Variants in LIMCH1 observed in about 807,000 individuals in gnomAD.
LIMCH1 encodes LIM and calponin homology domains-containing protein 1.
In LIMCH1, 113 loss-of-function variants were observed where a neutral mutation model predicts 176.5. That is an observed-to-expected ratio of 0.64 (90% CI 0.55 to 0.75). LIMCH1 has a LOEUF of 0.75. Among genes scored for constraint, LIMCH1 ranks in the 30% least tolerant of loss-of-function variants. The probability of loss-of-function intolerance (pLI) is 0.00; values close to 1 mark genes in which losing one functional copy is unlikely to be tolerated. For synonymous variants in LIMCH1, 619 were observed against 645.9 expected (o/e 0.96, Z 0.63); for missense variants, 1,674 against 1,814.9 (o/e 0.92, Z 1.41).
chr4:41,385,592 C>CA (rs2056383033), intron 1 of LIMCH1, among the ~76,000 whole-genome samples: 1 of 151,936 alleles, frequency 6.6e-6, no homozygotes, highest in South Asian at 2.1e-4. Context: ...GAAAGGAAAG[C>CA]AAAAAAATCA....
At chr4:41,474,292 G>T (rs1582803175) in intron 1 of LIMCH1, among the ~76,000 whole-genome samples, 1 of 152,318 alleles carries the variant, frequency 6.6e-6, no homozygotes, top group East Asian at 1.9e-4. Flanking sequence ...TTCAAGACCA[G>T]CCTGGCCAAT....
At chr4:41,616,121 A>G (rs1484952571) in intron 5 of LIMCH1, among the ~76,000 whole-genome samples, 1 of 152,192 alleles carries the variant, frequency 6.6e-6, no homozygotes, top group East Asian at 1.9e-4. Flanking sequence ...TATTTTGTAA[A>G]TATGCATTAG....
Position 41,680,977 on chromosome 4 carries a change from C to G in LIMCH1, c.3635C>G (p.Thr1212Ser). ...TAGGAGCGTAAGATAATTGAAGACA[C>G]TGTGGTTCCATTTACTGTTTCTTCA... ...YEEERKIIEDTVVPFTVSSSS... is the reference protein window; with the variant it reads ...YEEERKIIEDSVVPFTVSSSS... Residue 1212 changes from threonine to serine, a missense_variant, in exon 25 of 32, where the codon ACT (threonine) becomes AGT (serine). Thr to Ser is a moderately conservative substitution (Grantham distance 58, BLOSUM62 1). Around this residue, in one of 3 missense-constraint regions of LIMCH1, gnomAD observed 1,015 missense variants for 1,102.5 expected, o/e 0.92. Coordinates refer to ENST00000503057, the MANE Select transcript of LIMCH1 (RefSeq NM_001330672.2). 1 of 1,607,448 alleles carries G rather than the reference C, an allele frequency of 6.2e-7. No individual in the cohort carries two copies. The highest frequency in any genetic ancestry group is 1.3e-5 in the African/African-American group (1 of 74,892).
intron 1 of LIMCH1, among the ~76,000 whole-genome samples, chr4:41,387,917 C>G (rs2056710062): frequency 6.6e-6 from 1 of 152,094 alleles, no homozygotes. Context: ...TGAGACCAGC[C>G]TGGGCAACAT....
intron 1 of LIMCH1, among the ~76,000 whole-genome samples, chr4:41,393,811 T>C (rs2057514248): frequency 6.6e-6 from 1 of 152,198 alleles, no homozygotes; most frequent in South Asian, 2.1e-4. Flanking sequence ...GACCTGAAGA[T>C]ACTTGAATAA....
chr4:41,601,082 C>G (rs2089837555), intron 2 of LIMCH1, among the ~76,000 whole-genome samples: 1 of 151,986 alleles, frequency 6.6e-6, no homozygotes, highest in Non-Finnish European at 1.5e-5. Context: ...AATACTTTGC[C>G]ATCACATTCC....
intron 1 of LIMCH1, among the ~76,000 whole-genome samples, chr4:41,460,454 T>C (rs759626318): frequency 3.9e-4 from 25 of 63,744 alleles, no homozygotes; most frequent in Non-Finnish European, 5.5e-4. Flanking sequence ...ACTATAGTAA[T>C]CATCTATATA....
At chr4:41,688,556 G>A (rs1191378741) in intron 29 of LIMCH1, among the ~76,000 whole-genome samples, 4 of 152,128 alleles carry the variant, frequency 2.6e-5, no homozygotes, top group Admixed American at 6.6e-5. Flanking sequence ...TGTTTCTCCT[G>A]TCCCTCTGTA....
At chr4:41,390,269 A>AGCGAGAGC (rs1554024865) in intron 1 of LIMCH1, among the ~76,000 whole-genome samples, 1 of 150,304 alleles carries the variant, frequency 6.7e-6, no homozygotes, top group Non-Finnish European at 1.5e-5. Context: ...AGAGAGAGAG[A>AGCGAGAGC]GAGAGCGAGA....
intron 28 of LIMCH1, among the ~76,000 whole-genome samples, chr4:41,686,618 T>A (rs1399112538): frequency 6.6e-6 from 1 of 152,242 alleles, no homozygotes; most frequent in African/African-American, 2.4e-5. Context: ...CTCAGCCACT[T>A]GCCTACATTG....
At chr4:41,421,317 C>T (rs73810239) in intron 1 of LIMCH1, among the ~76,000 whole-genome samples, 33 of 152,164 alleles carry the variant, frequency 2.2e-4, no homozygotes, top group African/African-American at 6.0e-4. Flanking sequence ...ACTTAAATGG[C>T]GGGGAGAGAG....
intron 17 of LIMCH1, among the ~76,000 whole-genome samples, chr4:41,648,913 G>A (rs1364270700): frequency 2.0e-5 from 3 of 151,344 alleles, no homozygotes; most frequent in Non-Finnish European, 4.4e-5. Flanking sequence ...AACATAGTGT[G>A]TCACACAATG....
chr4:41,665,323 C>T (rs552168873), intron 20 of LIMCH1, among the ~76,000 whole-genome samples: 7 of 152,264 alleles, frequency 4.6e-5, no homozygotes, highest in South Asian at 2.1e-4. Context: ...GCCTCCACTA[C>T]AAGGAAATGC....
chr4:41,507,629 C>G (rs1346121875), intron 2 of LIMCH1, among the ~76,000 whole-genome samples: 3 of 152,130 alleles, frequency 2.0e-5, no homozygotes, highest in Admixed American at 2.0e-4. Context: ...ATATGGATTT[C>G]TTAATATAAT....
At chr4:41,616,057 ATTGAAGAGGAAATAACAAAACCC>A (rs1243570150) in intron 5 of LIMCH1, among the ~76,000 whole-genome samples, 2 of 152,176 alleles carry the variant, frequency 1.3e-5, no homozygotes, top group Non-Finnish European at 2.9e-5. Context: ...AATGGGCTTC[ATTGAAGAGGAAATAACAAAACCC>A]TCTACCCAGA....
intron 18 of LIMCH1, among the ~76,000 whole-genome samples, chr4:41,653,127 G>C (rs1036916537): frequency 6.6e-6 from 1 of 152,146 alleles, no homozygotes; most frequent in South Asian, 2.1e-4. Context: ...GTTGTTAGCT[G>C]TACTACATAG....
At chr4:41,462,109 G>C (rs1364590855) in intron 1 of LIMCH1, among the ~76,000 whole-genome samples, 1 of 152,162 alleles carries the variant, frequency 6.6e-6, no homozygotes, top group African/African-American at 2.4e-5. Context: ...TCTGGCTGAT[G>C]GAAAGACTGA....
At chr4:41,428,986 C>T (rs182461408) in intron 1 of LIMCH1, among the ~76,000 whole-genome samples, 110 of 152,270 alleles carry the variant, frequency 7.2e-4, no homozygotes, top group African/African-American at 2.6e-3. Context: ...GTTACTCTTT[C>T]GAAGTTGCCT....
intron 1 of LIMCH1, among the ~76,000 whole-genome samples, chr4:41,367,597 A>G (rs573518707): frequency 2.0e-3 from 278 of 141,662 alleles, no homozygotes; most frequent in Non-Finnish European, 3.3e-3. Context: ...TCCCAGCACT[A>G]TGGGAGGCCA....
Sources: gnomAD v4.1 joint callset for allele counts (sites outside exome capture counted in the v4.1 genomes callset) on GRCh38, gnomAD v4.1.1 for gene constraint, gnomAD v4.1.1 regional missense constraint, MANE v1.5 for transcripts, NCBI Gene and HGNC (gene_info 2026-07-23, HGNC 2026-07-21) for gene names.